The following ACAD9 variants were observed in gnomAD, a reference collection of about 807,000 sequenced individuals.
ACAD9 encodes the protein acyl-CoA dehydrogenase family member 9.
A neutral mutation model predicts 70.2 loss-of-function variants in ACAD9; 53 were observed. The ratio of observed to expected loss-of-function variants is 0.75; its 90% CI spans 0.61 to 0.95. ACAD9 has a LOEUF of 0.95. ACAD9 is among the 40% of genes least tolerant of loss of function. The probability of loss-of-function intolerance (pLI) is 0.00; values close to 1 mark genes in which losing one functional copy is unlikely to be tolerated. For missense variants in ACAD9, 777 were observed against 802.8 expected (o/e 0.97, Z 0.39); for synonymous variants, 313 against 312.1 (o/e 1.00, Z -0.03).
chr3:128,895,515 G>A (rs1935546537), intron 4 of ACAD9, 99 bp downstream of exon 4: 2 of 1,115,746 alleles, frequency 1.8e-6, no homozygotes, highest in Non-Finnish European at 2.7e-6. Context: ...AATTGGGCCT[G>A]ATATCTGACC....
chr3:128,910,263 T>A, intron 16 of ACAD9, 114 bp downstream of exon 16: 1 of 1,550,930 alleles, frequency 6.4e-7, no homozygotes, highest in Admixed American at 1.9e-5. Flanking sequence ...GCTGTGCAGG[T>A]TCACCATGCG....
intron 9 of ACAD9, 54 bp from the exon 10 acceptor site, chr3:128,904,008 T>C: frequency 6.3e-7 from 1 of 1,579,008 alleles, no homozygotes; most frequent in South Asian, 1.1e-5. Flanking sequence ...TAGGAAATCA[T>C]GTTTGAACCA....
At chr3:128,884,628 T>C in intron 1 of ACAD9, 25 bp from the exon 2 acceptor site, 1 of 1,558,670 alleles carries the variant, frequency 6.4e-7, no homozygotes, top group Non-Finnish European at 8.8e-7. Flanking sequence ...AATTAAATTT[T>C]TTAGAAAATA....
chr3:128,909,251 A>AGATGGGGC, intron 14 of ACAD9, 93 bp from the exon 15 acceptor site: 1 of 1,599,382 alleles, frequency 6.3e-7, no homozygotes, highest in African/African-American at 1.3e-5. Flanking sequence ...TGCTTCCCCC[A>AGATGGGGC]GATGGGGCAT....
rs1366989397 is a variant in ACAD9, at chr3:128,902,816, T to TTCCGCATTCC, written c.958+191_958+200dup. 6.6e-6 allele frequency among the ~76,000 whole-genome samples: 1 copy of TTCCGCATTCC among 152,194 alleles called. No homozygotes were observed. The highest frequency in any genetic ancestry group is 1.5e-5 in the Non-Finnish European group (1 of 68,030). Reference sequence around the variant, plus strand: ...CAGCCTGCCCCTGAGGTTTGTTGTCTTCCGCATTCCTCTGTTTCACCTCCA... The same window carrying TTCCGCATTCC: ...CAGCCTGCCCCTGAGGTTTGTTGTCTTCCGCATTCCTCCGCATTCCTCTGTTTCACCTCCA... On this transcript the variant is annotated intron_variant, in intron 9 of 17. Coordinates refer to ENST00000308982, the MANE Select transcript of ACAD9 (RefSeq NM_014049.5). This position sits in a 1 kb window ranked among gnomAD's most constrained non-coding sequence, Gnocchi z 4.0.
chr3:128,894,872 A>ATTTTTT (rs138817276), intron 3 of ACAD9, among the ~76,000 whole-genome samples: 1 of 105,394 alleles, frequency 9.5e-6, no homozygotes, highest in Non-Finnish European at 1.8e-5. Flanking sequence ...CTGTATTGTG[A>ATTTTTT]TTTTTTTTTT....
chr3:128,909,602 C>T (rs549319134), intron 15 of ACAD9, 181 bp downstream of exon 15: 83 of 680,192 alleles, frequency 1.2e-4, no homozygotes, highest in Non-Finnish European at 1.8e-4. Context: ...CTTAGCTACT[C>T]GGATGGGTAC....
At position 128,879,763 on chromosome 3, in the gene ACAD9, C is replaced by A; in HGVS notation, c.72C>A (p.Thr24=). 6.2e-7 allele frequency: 1 copy of A among 1,613,588 alleles called. No homozygotes were observed. The highest frequency in any genetic ancestry group is 8.5e-7 in the Non-Finnish European group (1 of 1,180,012). The change falls in exon 1 of 18, where the codon ACC becomes ACA. Residue 24 remains threonine (T), a synonymous_variant. Coordinates refer to ENST00000308982, the MANE Select transcript of ACAD9 (RefSeq NM_014049.5). ...ARACRGLVVS[T]ANRRLLRTSP... ...CCTGCCGGGGTCTGGTGGTCTCTACCGCGAACCGGCGGCTACTGCGCACCA... is the reference window on the plus strand; with the variant it reads ...CCTGCCGGGGTCTGGTGGTCTCTACAGCGAACCGGCGGCTACTGCGCACCA...
intron 13 of ACAD9, chr3:128,908,674 T>C (rs1935987877): frequency 1.8e-6 from 1 of 542,138 alleles, no homozygotes; most frequent in African/African-American, 1.9e-5. Flanking sequence ...TAATCCAAAA[T>C]CACTGCTGGA....
At position 128,912,644 on chromosome 3, in the gene ACAD9, A is replaced by AC. The variant is rs565291755; in HGVS notation, c.*40dup. ...GTGTCCCCTGCTACCGCCCGCCCCT[A>AC]CCCATGGCCCGTTGCTGGATGACTG... On this transcript the variant is annotated 3_prime_UTR_variant, in exon 18 of 18. Coordinates refer to ENST00000308982, the MANE Select transcript of ACAD9 (RefSeq NM_014049.5). 8 of 1,538,332 alleles carry AC rather than the reference A, an allele frequency of 5.2e-6. No individual in the cohort carries two copies. The highest frequency in any genetic ancestry group is 7.2e-6 in the Non-Finnish European group (8 of 1,111,278).
chr3:128,909,821 T>C, intron 15 of ACAD9, 200 bp from the exon 16 acceptor site: 1 of 754,304 alleles, frequency 1.3e-6, no homozygotes, highest in Middle Eastern at 3.8e-4. Flanking sequence ...AACCCCTCCC[T>C]GAATCTAGAG....
chr3:128,909,810 T>C lies in ACAD9; in HGVS notation c.1564-211T>C. ...AAGCTTCTGGGACCTGGTCTTGCCTTAACCCCTCCCTGAATCTAGAGCTCA... is the reference window on the plus strand; with the variant it reads ...AAGCTTCTGGGACCTGGTCTTGCCTCAACCCCTCCCTGAATCTAGAGCTCA... On this transcript the variant is annotated intron_variant, in intron 15 of 17. Coordinates refer to ENST00000308982, the MANE Select transcript of ACAD9 (RefSeq NM_014049.5). 4.2e-6 allele frequency: 3 copies of C among 710,092 alleles called. No individual in the cohort carries two copies. The South Asian group carries it at 5.3e-5, about 13-fold the overall frequency. The allele number at this position is 710,092 out of a possible 1,614,324, so 44.0% of individuals were successfully genotyped here.
chr3:128,901,423 A>G, intron 8 of ACAD9, 74 bp downstream of exon 8: 3 of 1,524,806 alleles, frequency 2.0e-6, no homozygotes, highest in Non-Finnish European at 2.7e-6. Flanking sequence ...CTTTTGCCCT[A>G]TCCCTGCTCG....
In ACAD9 at chr3:128,906,258, C is replaced by G. The variant is rs372636698; in HGVS notation, c.1278+9C>G. On this transcript the variant is annotated intron_variant, in intron 12 of 17. Coordinates refer to ENST00000308982, the MANE Select transcript of ACAD9 (RefSeq NM_014049.5). ...TCCTCCTCATCTTCGAGGTGAGTGG[C>G]CCCGCCACCAGCTAAGCTGTGCTCC... The G allele has an allele frequency of 1.8e-4, 294 of 1,613,880 alleles. 1 individual carries two copies. Among genetic ancestry groups the G allele is most frequent in the South Asian group, 1.3e-3 (114 of 91,090 alleles).
Position 128,899,522 on chromosome 3 carries a change from C to G in ACAD9, c.808+61C>G, listed in dbSNP as rs1044124410. On this transcript the variant is annotated intron_variant, in intron 7 of 17. Coordinates refer to ENST00000308982, the MANE Select transcript of ACAD9 (RefSeq NM_014049.5). ...GTGTAAGGGGGAGACTGGCCTTTGA[C>G]GGTGTGTGTGTGTGTGTGTGTGTGT... is the stretch of plus-strand genomic sequence containing the variant. The G allele has an allele frequency of 6.2e-5, 71 of 1,146,278 alleles. No homozygotes were observed. In the African/African-American group the frequency reaches 1.4e-3, roughly 23 times the overall value. The allele number at this position is 1,146,278 out of a possible 1,614,324, so 71.0% of individuals were successfully genotyped here. A position where few individuals can be genotyped will look rare whatever the true frequency, so the allele number is the denominator to read the frequency against.
chr3:128,896,385 T>A (rs964440285), intron 4 of ACAD9, 51 bp from the exon 5 acceptor site: 1 of 1,545,402 alleles, frequency 6.5e-7, no homozygotes, highest in Non-Finnish European at 8.9e-7. Context: ...AAACACCTCA[T>A]GCTCTCCTTT....
At position 128,882,163 on chromosome 3, in the gene ACAD9, C is replaced by A. The variant is rs1360627438; in HGVS notation, c.150+2322C>A. ...CCCAGTAGCTGGGACTACAGGCACG[C>A]CCTGCCACACCCAGCCAAGATTCTT... On this transcript the variant is annotated intron_variant, in intron 1 of 17. Coordinates refer to ENST00000308982, the MANE Select transcript of ACAD9 (RefSeq NM_014049.5). Among the ~76,000 whole-genome samples the A allele has an allele frequency of 5.3e-5, 8 of 152,246 alleles. No individual in the cohort carries two copies. The East Asian group carries it at 1.4e-3, about 26-fold the overall frequency.
At chr3:128,886,581 G>A (rs1576330930) in intron 2 of ACAD9, among the ~76,000 whole-genome samples, 1 of 151,790 alleles carries the variant, frequency 6.6e-6, no homozygotes, top group East Asian at 2.0e-4. Flanking sequence ...GGTGGTACAT[G>A]CCTGTAATCC....
At chr3:128,911,205 C>T (rs1007036870) in intron 17 of ACAD9, among the ~76,000 whole-genome samples, 3 of 152,024 alleles carry the variant, frequency 2.0e-5, no homozygotes, top group African/African-American at 2.4e-5. Context: ...TACAGGCGCA[C>T]GCCACCACGC....
Sources: gnomAD v4.1 joint callset for allele counts (sites outside exome capture counted in the v4.1 genomes callset) on GRCh38, gnomAD v4.1.1 for gene constraint, Gnocchi (gnomAD v3.1) non-coding constraint, MANE v1.5 for transcripts, NCBI Gene and HGNC (gene_info 2026-07-23, HGNC 2026-07-21) for gene names.